Variants in UGGT2 observed in about 807,000 individuals in gnomAD.
UGGT2 encodes UDP-glucose glycoprotein glucosyltransferase 2, also known as UDP-glucose:glycoprotein glucosyltransferase 2.
Under a neutral mutation model 192.1 loss-of-function variants are expected in UGGT2, and 180 were observed. That is an observed-to-expected ratio of 0.94 (90% CI 0.83 to 1.06). UGGT2 has a LOEUF of 1.06. Ranked by LOEUF, UGGT2 falls within the 50% of genes least tolerant of loss-of-function variation. The probability of loss-of-function intolerance (pLI) is 0.00; values close to 1 mark genes in which losing one functional copy is unlikely to be tolerated. For synonymous variants in UGGT2, 580 were observed against 591.0 expected (o/e 0.98, Z 0.27); for missense variants, 1,849 against 1,795.7 (o/e 1.03, Z -0.54).
chr13:95,983,519 A>G (rs2051193383), intron 10 of UGGT2: 4 of 491,210 alleles, frequency 8.1e-6, no homozygotes, highest in Non-Finnish European at 1.6e-5. Flanking sequence ...TACAAGAAAC[A>G]GAATAATTAA....
intron 20 of UGGT2, among the ~76,000 whole-genome samples, chr13:95,913,240 G>A (rs868121086): frequency 6.6e-6 from 1 of 152,148 alleles, no homozygotes; most frequent in South Asian, 2.1e-4. Context: ...TGACAAATGG[G>A]ATCTAATTAA....
chr13:96,037,445 C>T (rs1368460370), intron 1 of UGGT2, among the ~76,000 whole-genome samples: 3 of 152,222 alleles, frequency 2.0e-5, no homozygotes, highest in African/African-American at 7.2e-5. Flanking sequence ...GATCTGCCCG[C>T]CTCGGCCTCC....
rs892477919 is a variant in UGGT2 at position 96,039,544 on chromosome 13, A to T, written c.159-7573T>A. ...CTTTCTCTCCAGAGCACACATTCCC[A>T]ACACTGAGTTTCCTAGTTGTAACAC... On this transcript the variant is annotated intron_variant, in intron 1 of 38. Coordinates refer to ENST00000376747, the MANE Select transcript of UGGT2 (RefSeq NM_020121.4). 2.6e-5 allele frequency among the ~76,000 whole-genome samples: 4 copies of T among 152,242 alleles called. No homozygotes were observed. In the East Asian group the frequency reaches 7.7e-4, roughly 29 times the overall value.
chr13:95,915,330 T>A (rs1043645160), intron 20 of UGGT2, among the ~76,000 whole-genome samples: 8 of 152,292 alleles, frequency 5.3e-5, no homozygotes, highest in African/African-American at 1.2e-4. Flanking sequence ...TCTTTTTCTT[T>A]TTCCATAGCA....
chr13:95,880,611 C>T (rs1388431307), intron 27 of UGGT2, among the ~76,000 whole-genome samples: 3 of 152,128 alleles, frequency 2.0e-5, no homozygotes, highest in Admixed American at 6.5e-5. Flanking sequence ...CCTCAGTCAA[C>T]CATGGTCCAA....
At chr13:95,972,960 C>G (rs9525101) in intron 10 of UGGT2, among the ~76,000 whole-genome samples, 8 of 152,186 alleles carry the variant, frequency 5.3e-5, no homozygotes, top group Non-Finnish European at 1.0e-4. Context: ...CACCTGAGGT[C>G]AGGAGTTCAA....
chr13:95,939,873 T>TA (rs893732666), intron 16 of UGGT2, 84 bp downstream of exon 16: 2 of 1,184,566 alleles, frequency 1.7e-6, no homozygotes, highest in African/African-American at 3.2e-5. Flanking sequence ...TGACTTTTTT[T>TA]AAAGATTCTA....
intron 22 of UGGT2, among the ~76,000 whole-genome samples, chr13:95,898,737 A>G (rs1035869971): frequency 6.6e-6 from 1 of 152,128 alleles, no homozygotes; most frequent in Non-Finnish European, 1.5e-5. Context: ...CCTGCCATGT[A>G]GGAACATAGC....
intron 27 of UGGT2, among the ~76,000 whole-genome samples, chr13:95,883,060 T>C (rs2047539019): frequency 6.6e-6 from 1 of 152,152 alleles, no homozygotes; most frequent in Non-Finnish European, 1.5e-5. Flanking sequence ...AGGACTGATA[T>C]TAGAAGATGG....
intron 38 of UGGT2, among the ~76,000 whole-genome samples, chr13:95,817,922 A>T (rs2139772568): frequency 6.6e-6 from 1 of 152,292 alleles, no homozygotes; most frequent in East Asian, 1.9e-4. Context: ...CTTCTCTTTG[A>T]ACCAAATAAA....
chr13:95,834,379 C>A lies in UGGT2; in HGVS notation c.4402-1326G>T, dbSNP rs529001476. 2.6e-5 allele frequency among the ~76,000 whole-genome samples: 4 copies of A among 152,010 alleles called. No homozygotes were observed. The South Asian group carries it at 6.2e-4, about 24-fold the overall frequency. On this transcript the variant is annotated intron_variant, in intron 37 of 38. Coordinates refer to ENST00000376747, the MANE Select transcript of UGGT2 (RefSeq NM_020121.4). ...TGGGGTGCTACTGCCATCTAGTGGA[C>A]AGAGGCCAGAAATGCTGCTGAATAC...
chr13:95,912,051 A>G (rs1175087251), intron 20 of UGGT2, among the ~76,000 whole-genome samples: 2 of 152,360 alleles, frequency 1.3e-5, no homozygotes, highest in East Asian at 3.9e-4. Flanking sequence ...TCATGCTAAA[A>G]ACTCTCAATA....
At chr13:95,861,118 G>T (rs1487273083) in intron 31 of UGGT2, among the ~76,000 whole-genome samples, 2 of 151,858 alleles carry the variant, frequency 1.3e-5, no homozygotes, top group African/African-American at 4.8e-5. Flanking sequence ...AGGTGAATGG[G>T]CTGGTATTTT....
rs1327592042 is a variant in UGGT2, at chr13:95,906,445, C to A, written c.2296-3385G>T. Among the ~76,000 whole-genome samples, 5 of 151,990 alleles carry A rather than the reference C, an allele frequency of 3.3e-5. No homozygotes were observed. In the East Asian group the frequency reaches 9.7e-4, roughly 29 times the overall value. Reference sequence around the variant, plus strand: ...ATCTGGAGAACAGAATGTAAAAAGACTGAAAAAAATGAACAGTTTCTCAGA... The same window carrying A: ...ATCTGGAGAACAGAATGTAAAAAGAATGAAAAAAATGAACAGTTTCTCAGA... On this transcript the variant is annotated intron_variant, in intron 20 of 38. Coordinates refer to ENST00000376747, the MANE Select transcript of UGGT2 (RefSeq NM_020121.4).
Position 95,863,702 on chromosome 13 carries a change from T to C in UGGT2, c.3571A>G (p.Thr1191Ala), listed in dbSNP as rs746588052. 1 of 1,612,520 alleles carries C rather than the reference T, an allele frequency of 6.2e-7. No individual in the cohort carries two copies. The highest frequency in any genetic ancestry group is 8.5e-7 in the Non-Finnish European group (1 of 1,178,934). ...AGGATATCTTCCTTAATTTTGTCTG[T>C]TTCTTTTTTCACCTAGATAGCATGG... ...KILKVKVKKE[T>A]DKIKEDILTD... The change falls in exon 31 of 39, where the codon ACA (threonine) becomes GCA (alanine). Residue 1191 changes from threonine to alanine, a missense_variant. Coordinates refer to ENST00000376747, the MANE Select transcript of UGGT2 (RefSeq NM_020121.4).
chr13:95,837,129 C>A lies in UGGT2; in HGVS notation c.4358G>T (p.Trp1453Leu), dbSNP rs770982787. The A allele has an allele frequency of 6.2e-7, 1 of 1,614,034 alleles. No individual in the cohort carries two copies. The highest frequency in any genetic ancestry group is 1.1e-5 in the South Asian group (1 of 91,074). ...LPQDWLWCET[W>L]CDDESKQRAK... is the part of the protein sequence containing the mutation. The stretch of plus-strand genomic sequence containing the variant: ...TCTTTGTTTGGATTCATCATCACAC[C>A]AGGTTTCACACCACAGCCAGTCTTG... Residue 1453 changes from tryptophan (W) to leucine (L), a missense_variant, in exon 37 of 39, where the codon TGG becomes TTG. Physicochemically the swap from Trp to Leu is moderately conservative, Grantham distance 61. Coordinates refer to ENST00000376747, the MANE Select transcript of UGGT2 (RefSeq NM_020121.4).
At chr13:95,917,507 GT>G (rs2140380681) in intron 20 of UGGT2, among the ~76,000 whole-genome samples, 1 of 152,188 alleles carries the variant, frequency 6.6e-6, no homozygotes, top group Admixed American at 6.5e-5. Flanking sequence ...ACATAAACAT[GT>G]CTGCAAAATA....
At chr13:95,979,171 G>A (rs934276838) in intron 10 of UGGT2, among the ~76,000 whole-genome samples, 3 of 152,038 alleles carry the variant, frequency 2.0e-5, no homozygotes, top group Non-Finnish European at 4.4e-5. Flanking sequence ...ACGTATGTTG[G>A]GTTGACAATT....
chr13:95,996,226 G>T, intron 6 of UGGT2, 91 bp from the exon 7 acceptor site: 1 of 1,165,912 alleles, frequency 8.6e-7, no homozygotes. Context: ...ACTTGGCCAG[G>T]TGCGGCAGCT....
Sources: allele counts gnomAD v4.1 joint callset (sites outside exome capture counted in the v4.1 genomes callset), GRCh38; gene constraint gnomAD v4.1.1; transcripts MANE v1.5; gene names NCBI Gene and HGNC (gene_info 2026-07-23, HGNC 2026-07-21).